Variants in ZNF429 observed in about 807,000 individuals in gnomAD.
The protein encoded by ZNF429 is zinc finger protein 429.
In ZNF429, 53 loss-of-function variants were observed where a neutral mutation model predicts 56.8. That is an observed-to-expected ratio of 0.93 (90% confidence interval 0.75 to 1.17). ZNF429 has a LOEUF of 1.17. ZNF429 is among the 50% of genes most tolerant of loss of function. ZNF429 has a pLI of 0.00. For synonymous variants in ZNF429, 278 were observed against 264.7 expected, an observed-to-expected ratio of 1.05 and a Z score of -0.49; for missense variants, 849 against 788.4, an observed-to-expected ratio of 1.08 and a Z score of -0.92.
chr19:21,523,858 C>CT (rs2033072637), intron 1 of ZNF429, among the ~76,000 whole-genome samples: 1 of 151,374 alleles, frequency 6.6e-6, no homozygotes, highest in South Asian at 2.1e-4. Flanking sequence ...GAGATCTCTC[C>CT]TTTGATTGTT....
chr19:21,506,448 A>C (rs1313498526), intron 1 of ZNF429, among the ~76,000 whole-genome samples: 1 of 143,420 alleles, frequency 7.0e-6, no homozygotes, highest in African/African-American at 2.6e-5. Flanking sequence ...TCAAACAAAA[A>C]AAAAAAAAAA....
At position 21,505,758 on chromosome 19, in the gene ZNF429, C is replaced by T. The variant is rs1436126560; in HGVS notation, c.-14C>T. Reference sequence around the variant, plus strand: ...TACACAGCTAAGACTCCAGGACCCCCTGGAAGCCTAGAAATGGTGAGAGTG... The same window carrying T: ...TACACAGCTAAGACTCCAGGACCCCTTGGAAGCCTAGAAATGGTGAGAGTG... On this transcript the variant is annotated 5_prime_UTR_variant, in exon 1 of 4. Coordinates refer to ENST00000358491, the MANE Select transcript of ZNF429 (RefSeq NM_001001415.4). 1 of 1,611,058 alleles carries T rather than the reference C, an allele frequency of 6.2e-7. No individual in the cohort carries two copies. The highest frequency in any genetic ancestry group is 8.5e-7 in the Non-Finnish European group (1 of 1,177,996).
At chr19:21,505,926 C>T (rs961927778) in intron 1 of ZNF429, 152 bp downstream of exon 1, 30 of 773,368 alleles carry the variant, frequency 3.9e-5, no homozygotes, top group Non-Finnish European at 2.3e-5. Context: ...TCCCCTTCAG[C>T]CATAAGATGG....
At position 21,537,403 on chromosome 19, in the gene ZNF429, GA is replaced by G. The variant is rs767719674; in HGVS notation, c.1353del (p.Lys451AsnfsTer233). ...TRHKRIHTEEKPYKCNECGKA... is the reference protein window; with the variant it reads ...TRHKRIHTEEXPYKCNECGKA... ...GACATAAGAGAATTCATACTGAAGAGAAACCCTATAAATGTAACGAATGTGG... is the reference window on the plus strand; with the variant it reads ...GACATAAGAGAATTCATACTGAAGAGAACCCTATAAATGTAACGAATGTGG... On this transcript the variant is annotated frameshift_variant, in exon 4 of 4. Coordinates refer to ENST00000358491, the MANE Select transcript of ZNF429 (RefSeq NM_001001415.4). LOFTEE classifies it high-confidence loss of function. 6.2e-7 allele frequency: 1 copy of G among 1,613,496 alleles called. No individual in the cohort carries two copies. The highest frequency in any genetic ancestry group is 1.7e-5 in the Admixed American group (1 of 60,008).
chr19:21,530,682 C>T lies in ZNF429; in HGVS notation c.224C>T (p.Pro75Leu), dbSNP rs898575410. The T allele has an allele frequency of 2.5e-6, 4 of 1,605,460 alleles. No homozygotes were observed. The highest frequency in any genetic ancestry group is 3.4e-6 in the Non-Finnish European group (4 of 1,174,980). ...CGACATGAAATGGTGGATGAACCCC[C>T]AGGTAGGTGAGAGTGAACACAACAG... ...MKRHEMVDEP[P>L]VVCSHFAEDF... Residue 75 changes from proline to leucine, a missense_variant and splice_region_variant, in exon 3 of 4, where the codon CCA (proline) becomes CTA (leucine). Transcript: ENST00000358491.
chr19:21,513,930 A>AT (rs1234442225), intron 1 of ZNF429, among the ~76,000 whole-genome samples: 1 of 152,132 alleles, frequency 6.6e-6, no homozygotes, highest in Non-Finnish European at 1.5e-5. Context: ...TCACCACAGC[A>AT]TTTTTGATCC....
intron 1 of ZNF429, among the ~76,000 whole-genome samples, chr19:21,511,804 T>G (rs1270481232): frequency 1.3e-5 from 2 of 152,140 alleles, no homozygotes; most frequent in African/African-American, 4.8e-5. Flanking sequence ...ACTGAGTGAA[T>G]GAGACTCCTT....
intron 1 of ZNF429, among the ~76,000 whole-genome samples, chr19:21,506,760 G>GTTT (rs539545648): frequency 0.04 from 4,738 of 118,624 alleles, 349 homozygotes; most frequent in Non-Finnish European, 0.055. Context: ...ATTTGAGTTA[G>GTTT]TTTTTTGTTT....
At chr19:21,507,859 C>T (rs1021151362) in intron 1 of ZNF429, among the ~76,000 whole-genome samples, 2 of 152,182 alleles carry the variant, frequency 1.3e-5, no homozygotes, top group African/African-American at 4.8e-5. Context: ...CCCGACTTTC[C>T]TTTCTTTGGG....
At chr19:21,507,184 A>G (rs2032217624) in intron 1 of ZNF429, among the ~76,000 whole-genome samples, 1 of 152,138 alleles carries the variant, frequency 6.6e-6, no homozygotes, top group Admixed American at 6.5e-5. Context: ...CATTTTTCAC[A>G]GGTGTCCTAA....
rs761971725 is a variant in ZNF429, at chr19:21,537,289, TACTC to T, written c.1238_1241del (p.Thr413LysfsTer270). The T allele has an allele frequency of 9.2e-5, 149 of 1,613,936 alleles. No individual in the cohort carries two copies. The highest frequency in any genetic ancestry group is 1.1e-4 in the Non-Finnish European group (134 of 1,180,016). ...GAGTTTTTACCTGTTCCTCAACACTTACTCAAGACAAGAAAATTCATACTGGAGA... is the reference window on the plus strand; with the variant it reads ...GAGTTTTTACCTGTTCCTCAACACTTAAGACAAGAAAATTCATACTGGAGA... On this transcript the variant is annotated frameshift_variant, in exon 4 of 4. Coordinates refer to ENST00000358491, the MANE Select transcript of ZNF429 (RefSeq NM_001001415.4). LOFTEE classifies it high-confidence loss of function.
chr19:21,506,461 A>AGGGG (rs112803668), intron 1 of ZNF429, among the ~76,000 whole-genome samples: 126 of 147,282 alleles, frequency 8.6e-4, no homozygotes, highest in African/African-American at 2.7e-3. Flanking sequence ...AAAAAAAAAA[A>AGGGG]GGGGAGTCAC....
chr19:21,511,199 C>T (rs1459278735), intron 1 of ZNF429, among the ~76,000 whole-genome samples: 16 of 150,964 alleles, frequency 1.1e-4, no homozygotes, highest in South Asian at 4.2e-4. Flanking sequence ...GGCGGCTGGC[C>T]GGGCGGGGGC....
At chr19:21,529,519 G>A (rs941904180) in intron 1 of ZNF429, 139 bp from the exon 2 acceptor site, 1 of 1,177,268 alleles carries the variant, frequency 8.5e-7, no homozygotes, top group African/African-American at 1.6e-5. Flanking sequence ...AATAATTTCA[G>A]TCACTTGTAT....
chr19:21,516,707 G>A (rs2032759218), intron 1 of ZNF429, among the ~76,000 whole-genome samples: 1 of 152,146 alleles, frequency 6.6e-6, no homozygotes, highest in African/African-American at 2.4e-5. Context: ...TGTGGCAGTT[G>A]TGAATGGAAT....
chr19:21,514,140 C>A (rs1031447114), intron 1 of ZNF429, among the ~76,000 whole-genome samples: 23 of 152,142 alleles, frequency 1.5e-4, no homozygotes, highest in Non-Finnish European at 2.9e-4. Context: ...GTAGCACAAA[C>A]CAGTCTTTTC....
chr19:21,533,084 G>T, intron 3 of ZNF429, among the ~76,000 whole-genome samples: 1 of 151,858 alleles, frequency 6.6e-6, no homozygotes, highest in African/African-American at 2.4e-5. Flanking sequence ...ATGAACATGG[G>T]TTTCATTTTC....
intron 1 of ZNF429, among the ~76,000 whole-genome samples, chr19:21,511,500 C>T (rs2145418752): frequency 6.6e-6 from 1 of 152,120 alleles, no homozygotes; most frequent in South Asian, 2.1e-4. Flanking sequence ...AGAGATGCTC[C>T]TCACTTCCTA....
intron 1 of ZNF429, among the ~76,000 whole-genome samples, chr19:21,508,590 T>C (rs1191378431): frequency 6.6e-6 from 1 of 152,228 alleles, no homozygotes; most frequent in Admixed American, 6.5e-5. Flanking sequence ...AGAAAATATT[T>C]ACAAAGCGCA....
Sources: gnomAD v4.1 joint callset for allele counts (sites outside exome capture counted in the v4.1 genomes callset) on GRCh38, gnomAD v4.1.1 for gene constraint, MANE v1.5 for transcripts, NCBI Gene and HGNC (gene_info 2026-07-23, HGNC 2026-07-21) for gene names.